LINGO2: variants seen among roughly 807,000 people sequenced by gnomAD.
LINGO2 encodes leucine rich repeat and Ig domain containing 2.
LINGO2 carries 14 observed loss-of-function variants against 30.6 expected under a neutral mutation model. The observed-to-expected ratio is 0.46, with a 90% confidence interval of 0.30 to 0.72. The LOEUF (loss-of-function observed/expected upper bound fraction) is 0.72. LINGO2 is among the 30% of genes least tolerant of loss of function. The pLI is 0.07. For missense variants in LINGO2, 729 were observed against 751.7 expected (o/e 0.97, Z 0.35); for synonymous variants, 317 against 288.5 (o/e 1.10, Z -1.00).
At chr9:28,761,216 T>C in the LINGO2 span, among the ~76,000 whole-genome samples, 14 of 151,950 alleles carry the variant, frequency 9.2e-5, no homozygotes, top group African/African-American at 3.1e-4. Context: ...AAGTACTTGC[T>C]TTTAACAAAG....
At chr9:28,582,303 AT>A (rs1824296199) in intron 1 of LINGO2, among the ~76,000 whole-genome samples, 1 of 152,066 alleles carries the variant, frequency 6.6e-6, no homozygotes, top group Non-Finnish European at 1.5e-5. Context: ...GAAAAAGATT[AT>A]TGTTTGACCA....
At chr9:28,590,468 A>G (rs1167135888) in intron 1 of LINGO2, among the ~76,000 whole-genome samples, 2 of 152,074 alleles carry the variant, frequency 1.3e-5, no homozygotes, top group African/African-American at 2.4e-5. Flanking sequence ...AGAAAAAAAA[A>G]CAGACAACCC....
intron 4 of LINGO2, among the ~76,000 whole-genome samples, chr9:28,022,549 T>A (rs1823182471): frequency 6.6e-6 from 1 of 152,096 alleles, no homozygotes; most frequent in African/African-American, 2.4e-5. Flanking sequence ...TCTTTTGAGG[T>A]TGAGTTTCAC....
At chr9:27,981,570 G>GAAAAAAAAAGAAAAAAAAAGA (rs1554649013) in intron 5 of LINGO2, among the ~76,000 whole-genome samples, 1 of 101,484 alleles carries the variant, frequency 9.9e-6, no homozygotes. Flanking sequence ...GAAAAAAAAA[G>GAAAAAAAAAGAAAAAAAAAGA]AAAAAAAAAA....
intron 4 of LINGO2, among the ~76,000 whole-genome samples, chr9:28,226,672 AAAGAAAGAAAGAAAG>A: frequency 1.0e-5 from 1 of 96,170 alleles, no homozygotes; most frequent in East Asian, 2.5e-4. Flanking sequence ...AGAAAGAAAG[AAAGAAAGAAAGAAAG>A]AAAGAAAGAA....
chr9:29,096,273 A>G, the LINGO2 span, among the ~76,000 whole-genome samples: 1 of 138,500 alleles, frequency 7.2e-6, no homozygotes, highest in African/African-American at 2.7e-5. Context: ...TGGTGTCTAC[A>G]TTCTTTCTTT....
the LINGO2 span, among the ~76,000 whole-genome samples, chr9:28,968,219 T>TA: frequency 6.6e-6 from 1 of 152,190 alleles, no homozygotes; most frequent in Non-Finnish European, 1.5e-5. Flanking sequence ...CTTTTAGACT[T>TA]ACAGAAAATA....
chr9:28,828,599 CCTT>C, the LINGO2 span, among the ~76,000 whole-genome samples: 1 of 151,590 alleles, frequency 6.6e-6, no homozygotes, highest in East Asian at 1.9e-4. Context: ...GTAGAGGCAA[CCTT>C]TTTTTTTTTT....
chr9:28,188,570 A>G (rs537907425), intron 4 of LINGO2, among the ~76,000 whole-genome samples: 2 of 152,242 alleles, frequency 1.3e-5, no homozygotes, highest in African/African-American at 2.4e-5. Context: ...TATCTTCTCT[A>G]TCACCAAAAA....
At chr9:28,481,235 C>G (rs909226753) in intron 1 of LINGO2, among the ~76,000 whole-genome samples, 4 of 152,112 alleles carry the variant, frequency 2.6e-5, no homozygotes, top group African/African-American at 9.7e-5. Flanking sequence ...TGACTAAATT[C>G]ATGCTCAGAA....
the LINGO2 span, among the ~76,000 whole-genome samples, chr9:29,065,580 G>T: frequency 6.6e-6 from 1 of 151,938 alleles, no homozygotes; most frequent in African/African-American, 2.4e-5. Context: ...GATAGTTGTA[G>T]GTATGTGGCT....
chr9:28,160,564 C>T (rs1205307627), intron 4 of LINGO2, among the ~76,000 whole-genome samples: 1 of 152,066 alleles, frequency 6.6e-6, no homozygotes, highest in African/African-American at 2.4e-5. Flanking sequence ...CTTTCTGTTC[C>T]CCTCCTGCCC....
chr9:29,064,931 C>A, the LINGO2 span, among the ~76,000 whole-genome samples: 2 of 152,080 alleles, frequency 1.3e-5, no homozygotes, highest in East Asian at 3.9e-4. Flanking sequence ...ATTCAGCCTA[C>A]AATTTGTCTG....
At chr9:28,266,088 T>G (rs1349483145) in intron 4 of LINGO2, among the ~76,000 whole-genome samples, 1 of 151,994 alleles carries the variant, frequency 6.6e-6, no homozygotes, top group Non-Finnish European at 1.5e-5. Flanking sequence ...TTAAACTAAG[T>G]ATGCCTTTTC....
chr9:28,104,503 T>C (rs1826522313), intron 4 of LINGO2, among the ~76,000 whole-genome samples: 1 of 151,946 alleles, frequency 6.6e-6, no homozygotes, highest in Non-Finnish European at 1.5e-5. Context: ...TTCTCATTCC[T>C]CCTTCAGACC....
At chr9:29,098,767 C>T in the LINGO2 span, among the ~76,000 whole-genome samples, 7 of 152,008 alleles carry the variant, frequency 4.6e-5, no homozygotes, top group Admixed American at 3.9e-4. Context: ...AGGATAATTC[C>T]ATTATCAAAT....
intron 4 of LINGO2, among the ~76,000 whole-genome samples, chr9:28,288,082 A>G (rs1219816978): frequency 6.6e-6 from 1 of 152,118 alleles, no homozygotes; most frequent in East Asian, 1.9e-4. Context: ...CTCTCTGTAC[A>G]TATCTTCCCT....
At chr9:28,550,784 T>C (rs998015149) in intron 1 of LINGO2, among the ~76,000 whole-genome samples, 2 of 151,904 alleles carry the variant, frequency 1.3e-5, no homozygotes, top group African/African-American at 4.8e-5. Flanking sequence ...AGGAGTCATA[T>C]AAAATAATGT....
rs1270653663 is a variant in LINGO2, at chr9:28,556,305, ATACAAAATCAATG to A, written c.-364-80293_-364-80281del. 2.0e-4 allele frequency among the ~76,000 whole-genome samples: 31 copies of A among 152,222 alleles called. No individual in the cohort carries two copies. The Middle Eastern group carries it at 0.02, about 100-fold the overall frequency. On this transcript the variant is annotated intron_variant, in intron 1 of 5. Coordinates refer to ENST00000379992, the Ensembl canonical transcript of LINGO2. ...TAAGCAACTTCAGCAAAGTCTCAGG[ATACAAAATCAATG>A]TACAAAATTCACAAGCATTCTTATA... is the stretch of plus-strand genomic sequence containing the variant.
Sources: allele counts gnomAD v4.1 joint callset (sites outside exome capture counted in the v4.1 genomes callset), GRCh38; gene constraint gnomAD v4.1.1; transcripts MANE v1.5; gene names NCBI Gene and HGNC (gene_info 2026-07-23, HGNC 2026-07-21).